Variants in ARHGAP8 observed in about 807,000 individuals in gnomAD.
ARHGAP8 encodes rho GTPase-activating protein 8.
Under a neutral mutation model 46.1 loss-of-function variants are expected in ARHGAP8, and 62 were observed. The observed-to-expected ratio is 1.34, with a 90% CI of 1.10 to 1.66. ARHGAP8 has a LOEUF of 1.66. Ranked by LOEUF, ARHGAP8 falls within the 40% of genes most tolerant of loss-of-function variation. The pLI is 0.00. For missense variants in ARHGAP8, 923 were observed against 568.4 expected, an observed-to-expected ratio of 1.62 and a Z score of -6.34; for synonymous variants, 375 against 243.1, an observed-to-expected ratio of 1.54 and a Z score of -5.05.
intron 2 of ARHGAP8, among the ~76,000 whole-genome samples, chr22:44,801,634 G>A (rs150906474): frequency 0.011 from 1,665 of 152,332 alleles, 135 homozygotes; most frequent in Admixed American, 0.099. Flanking sequence ...CTGTACCCCC[G>A]ACATGAGGTC....
At chr22:44,799,773 G>A (rs1353451122) in intron 2 of ARHGAP8, among the ~76,000 whole-genome samples, 3 of 147,904 alleles carry the variant, frequency 2.0e-5, no homozygotes, top group African/African-American at 7.4e-5. Context: ...TGTTCTCCGT[G>A]TCCCTGAGCC....
At chr22:44,848,143 C>T (rs1374050489) in intron 9 of ARHGAP8, 93 bp downstream of exon 9, 25 of 1,514,032 alleles carry the variant, frequency 1.7e-5, no homozygotes, top group African/African-American at 9.6e-5. Context: ...AGCACCGCCC[C>T]CGCAACCCAC....
At chr22:44,856,117 G>A (rs1055904790) in intron 10 of ARHGAP8, among the ~76,000 whole-genome samples, 12 of 152,096 alleles carry the variant, frequency 7.9e-5, no homozygotes, top group South Asian at 2.1e-4. Flanking sequence ...TGAGAAATCT[G>A]TCCCCATGAT....
chr22:44,832,311 C>T (rs1425798238), intron 7 of ARHGAP8, among the ~76,000 whole-genome samples: 1 of 149,500 alleles, frequency 6.7e-6, no homozygotes, highest in East Asian at 2.0e-4. Flanking sequence ...ACTACAACCT[C>T]TGCCTCCTGG....
intron 10 of ARHGAP8, among the ~76,000 whole-genome samples, chr22:44,858,225 G>T (rs2070292974): frequency 6.6e-6 from 1 of 152,220 alleles, no homozygotes; most frequent in African/African-American, 2.4e-5. Flanking sequence ...TCTGTGCAAG[G>T]CTCAGTGGGA....
chr22:44,825,332 AGT>A, intron 6 of ARHGAP8, 149 bp from the exon 7 acceptor site: 11 of 695,576 alleles, frequency 1.6e-5, no homozygotes, highest in Non-Finnish European at 2.4e-5. Context: ...TGTGTATGTG[AGT>A]GTGTGTGTGA....
rs778102799 is a variant in ARHGAP8 at position 44,862,487 on chromosome 22, GAGCAGGGC to G, written c.1198_1205del (p.Arg400ProfsTer72). 11 of 1,613,122 alleles carry G rather than the reference GAGCAGGGC, an allele frequency of 6.8e-6. No homozygotes were observed. The highest frequency in any genetic ancestry group is 1.6e-4 in the Middle Eastern group (1 of 6,082). ...ACGGCCTGGCACCATGGGAACAGGG[GAGCAGGGC>G]AGCCCCTTTGCAGGAGGCTGTGCCA... On this transcript the variant is annotated frameshift_variant, in exon 12 of 12. Coordinates refer to ENST00000356099, the MANE Select transcript of ARHGAP8 (RefSeq NM_181335.3). LOFTEE classifies it low-confidence loss of function (END_TRUNC).
At chr22:44,856,422 C>T (rs931543142) in intron 10 of ARHGAP8, among the ~76,000 whole-genome samples, 4 of 152,004 alleles carry the variant, frequency 2.6e-5, no homozygotes, top group African/African-American at 7.2e-5. Context: ...TACAGGCACC[C>T]GCCACCACGC....
At chr22:44,857,804 C>T (rs1482447665) in intron 10 of ARHGAP8, among the ~76,000 whole-genome samples, 1 of 151,466 alleles carries the variant, frequency 6.6e-6, no homozygotes, top group Non-Finnish European at 1.5e-5. Flanking sequence ...TCAGAGCTCT[C>T]TTTCCTCCTC....
chr22:44,758,464 G>A (rs1434908462), intron 1 of ARHGAP8, among the ~76,000 whole-genome samples: 3 of 152,176 alleles, frequency 2.0e-5, no homozygotes, highest in Non-Finnish European at 4.4e-5. Flanking sequence ...GTGTATGGGG[G>A]CTCCGTGAAT....
chr22:44,825,557 CG>C lies in ARHGAP8; in HGVS notation c.561del (p.Leu188CysfsTer26). On this transcript the variant is annotated frameshift_variant, in exon 7 of 12. Coordinates refer to ENST00000356099, the MANE Select transcript of ARHGAP8 (RefSeq NM_181335.3). LOFTEE classifies it high-confidence loss of function. ...ACCAAGACACCACCGCCGCGGCCCC[CG>C]CTGCCCACACAGCAGTTTGGCGTCA... Reference protein sequence around the residue: ...PPTKTPPPRPPLPTQQFGVSL... With the variant: ...PPTKTPPPRPXLPTQQFGVSL... The C allele has an allele frequency of 6.2e-7, 1 of 1,613,328 alleles. No homozygotes were observed. The highest frequency in any genetic ancestry group is 1.3e-5 in the African/African-American group (1 of 74,980).
At chr22:44,844,144 G>T (rs1194136475) in intron 7 of ARHGAP8, among the ~76,000 whole-genome samples, 1 of 152,030 alleles carries the variant, frequency 6.6e-6, no homozygotes, top group African/African-American at 2.4e-5. Context: ...GCTAATTTTT[G>T]CATTTTTAGT....
At chr22:44,782,163 C>T (rs544298067) in intron 1 of ARHGAP8, among the ~76,000 whole-genome samples, 1 of 152,078 alleles carries the variant, frequency 6.6e-6, no homozygotes, top group Non-Finnish European at 1.5e-5. Flanking sequence ...GGTGAAACCC[C>T]ATCTCTACTA....
intron 3 of ARHGAP8, among the ~76,000 whole-genome samples, chr22:44,807,304 A>C (rs1929001101): frequency 6.6e-6 from 1 of 152,166 alleles, no homozygotes; most frequent in East Asian, 1.9e-4. Flanking sequence ...TGGCAGGGCA[A>C]GCCCTTTCCC....
chr22:44,768,015 T>TTTTTTTTTTTG, intron 1 of ARHGAP8, among the ~76,000 whole-genome samples: 1 of 126,148 alleles, frequency 7.9e-6, no homozygotes, highest in East Asian at 2.5e-4. Context: ...TTTTTTTTTT[T>TTTTTTTTTTTG]GTGAGACAGA....
At chr22:44,807,842 ACT>A (rs1378511116) in intron 3 of ARHGAP8, among the ~76,000 whole-genome samples, 36 of 151,886 alleles carry the variant, frequency 2.4e-4, no homozygotes, top group African/African-American at 8.5e-4. Flanking sequence ...TGTCGTCGAC[ACT>A]CTGCTTTGCC....
At chr22:44,811,191 G>A (rs1294636647) in intron 4 of ARHGAP8, among the ~76,000 whole-genome samples, 1 of 152,268 alleles carries the variant, frequency 6.6e-6, no homozygotes, top group East Asian at 1.9e-4. Context: ...GGAGAAAGCA[G>A]CAGAATTCCT....
rs576511344 is a variant in ARHGAP8 at position 44,781,683 on chromosome 22, C to T, written c.-71-4774C>T. On this transcript the variant is annotated intron_variant, in intron 1 of 11. Coordinates refer to ENST00000356099, the MANE Select transcript of ARHGAP8 (RefSeq NM_181335.3). ...GATTACAGGTGCGTGCCACCACGCC[C>T]GGCTAATTTTTTTGTATTTTTAGTA... is the stretch of plus-strand genomic sequence containing the variant. Among the ~76,000 whole-genome samples the T allele has an allele frequency of 7.0e-3, 270 of 38,800 alleles. 1 individual carries two copies. The highest frequency in any genetic ancestry group is 0.013 in the Admixed American group (52 of 4,062). 25.5% of individuals were successfully genotyped at this position (38,800 alleles called of 152,430 possible).
At chr22:44,756,814 T>TTTTG (rs1177833245) in intron 1 of ARHGAP8, among the ~76,000 whole-genome samples, 6 of 152,100 alleles carry the variant, frequency 3.9e-5, no homozygotes, top group African/African-American at 1.2e-4. Flanking sequence ...CAATGTGATG[T>TTTTG]TTTGATATAT....
Sources: gnomAD v4.1 joint callset for allele counts (sites outside exome capture counted in the v4.1 genomes callset) on GRCh38, gnomAD v4.1.1 for gene constraint, MANE v1.5 for transcripts, NCBI Gene and HGNC (gene_info 2026-07-23, HGNC 2026-07-21) for gene names.